The following MYO3A variants were observed in gnomAD, a reference collection of about 807,000 sequenced individuals.
MYO3A encodes myosin IIIA.
MYO3A carries 180 observed loss-of-function variants against 192.7 expected under a neutral mutation model. The ratio of observed to expected loss-of-function variants is 0.93; its 90% CI spans 0.83 to 1.06. The LOEUF (loss-of-function observed/expected upper bound fraction) is 1.06. MYO3A is among the 50% of genes least tolerant of loss of function. The pLI is 0.00. For missense variants in MYO3A, 1,896 were observed against 1,905.0 expected (o/e 1.00, Z 0.09); for synonymous variants, 628 against 645.3 (o/e 0.97, Z 0.41).
intron 18 of MYO3A, among the ~76,000 whole-genome samples, chr10:26,124,215 T>A (rs1588997405): frequency 6.6e-6 from 1 of 151,302 alleles, no homozygotes; most frequent in African/African-American, 2.4e-5. Flanking sequence ...AAAAAACTTT[T>A]ACATATTTAC....
intron 31 of MYO3A, among the ~76,000 whole-genome samples, chr10:26,188,553 A>G (rs1842971815): frequency 6.6e-6 from 1 of 152,304 alleles, no homozygotes; most frequent in Non-Finnish European, 1.5e-5. Context: ...TGTTTTAGTC[A>G]TGAATTCCTT....
chr10:26,062,530 A>AAAAAAAAAAAAAAAAAGAAAAAAACG (rs1554816581), intron 10 of MYO3A, among the ~76,000 whole-genome samples: 1 of 125,946 alleles, frequency 7.9e-6, no homozygotes, highest in Non-Finnish European at 1.7e-5. Flanking sequence ...AAAAAAAAAA[A>AAAAAAAAAAAAAAAAAGAAAAAAACG]AAATTATGGA....
At chr10:26,000,986 A>G (rs1179865057) in intron 6 of MYO3A, among the ~76,000 whole-genome samples, 1 of 152,122 alleles carries the variant, frequency 6.6e-6, no homozygotes, top group Non-Finnish European at 1.5e-5. Flanking sequence ...TGATGGGGGA[A>G]GGGCTACACA....
chr10:26,153,869 A>C lies in MYO3A; in HGVS notation c.2655A>C (p.Lys885Asn), dbSNP rs2131908863. ...TCATAGGTAATCTGCCACATTCTAA[A>C]ACTAAAAATGTTATAAACTATCAAA... is the stretch of plus-strand genomic sequence containing the variant. ...LTKTGNLPHS[K>N]TKNVINYQMR... Residue 885 changes from lysine (K) to asparagine (N), a missense_variant, in exon 24 of 35, where the codon AAA (lysine) becomes AAC (asparagine). By Grantham distance (94) the Lys-to-Asn change is moderately conservative. Transcript: ENST00000642920. 2 of 1,582,746 alleles carry C rather than the reference A, an allele frequency of 1.3e-6. No homozygotes were observed. The highest frequency in any genetic ancestry group is 1.7e-6 in the Non-Finnish European group (2 of 1,151,774).
At chr10:25,943,277 T>G (rs1342982305) in intron 2 of MYO3A, among the ~76,000 whole-genome samples, 1 of 152,056 alleles carries the variant, frequency 6.6e-6, no homozygotes, top group Non-Finnish European at 1.5e-5. Flanking sequence ...ACCACAATGA[T>G]TTGATTACTG....
chr10:25,950,258 G>A (rs1362352583), intron 2 of MYO3A, among the ~76,000 whole-genome samples: 1 of 152,140 alleles, frequency 6.6e-6, no homozygotes, highest in Non-Finnish European at 1.5e-5. Flanking sequence ...ACATTGGTTT[G>A]TAGCTTTTGA....
At chr10:25,934,941 G>A (rs1835950016) in intron 1 of MYO3A, among the ~76,000 whole-genome samples, 1 of 152,102 alleles carries the variant, frequency 6.6e-6, no homozygotes, top group Admixed American at 6.5e-5. Context: ...GAGTAACGAG[G>A]GGCGAGAACT....
rs551521069 is a variant in MYO3A, at chr10:26,202,877, A to G, written c.4587-87A>G. On this transcript the variant is annotated intron_variant, in intron 33 of 34. Coordinates refer to ENST00000642920, the MANE Select transcript of MYO3A (RefSeq NM_017433.5). ...TATGTTACTCTAAATTATAGTAAAT[A>G]CTTTTAAAGAAAAAAAAGTATCCTG... The G allele has an allele frequency of 3.1e-5, 44 of 1,426,862 alleles. No individual in the cohort carries two copies. The African/African-American group carries it at 6.0e-4, about 19-fold the overall frequency. The allele number at this position is 1,426,862 out of a possible 1,614,324, so 88.4% of individuals were successfully genotyped here. A position where few individuals can be genotyped will look rare whatever the true frequency, so the allele number is the denominator to read the frequency against.
intron 4 of MYO3A, among the ~76,000 whole-genome samples, chr10:25,958,541 T>G (rs1346996383): frequency 6.6e-6 from 1 of 152,160 alleles, no homozygotes; most frequent in Non-Finnish European, 1.5e-5. Context: ...TCCAGCTTTG[T>G]TTTTTTGCTT....
Position 26,173,849 on chromosome 10 carries a change from G to A in MYO3A, c.3585G>A (p.Val1195=), listed in dbSNP as rs372169216. 2.7e-5 allele frequency: 44 copies of A among 1,613,908 alleles called. No individual in the cohort carries two copies. Among genetic ancestry groups the A allele is most frequent in the Non-Finnish European group, 3.3e-5 (39 of 1,180,018 alleles). The change falls in exon 30 of 35, where the codon GTG becomes GTA. Residue 1195 remains valine, a synonymous_variant. Transcript: ENST00000642920. ...VYQTPKKMNN[V]YEEEVKQEFY... ...AGACTCCAAAAAAAATGAATAATGT[G>A]TATGAGGAAGAGGTTAAGCAAGAAT...
At chr10:26,039,207 A>ATTTTTTTTTTTTTTTTTTTTTTT (rs34416918) in intron 10 of MYO3A, among the ~76,000 whole-genome samples, 1 of 106,856 alleles carries the variant, frequency 9.4e-6, no homozygotes, top group African/African-American at 3.9e-5. Context: ...GGCTCGGCTA[A>ATTTTTTTTTTTTTTTTTTTTTTT]TTTTTTTTTT....
chr10:26,177,267 G>T (rs1842382705), intron 31 of MYO3A, among the ~76,000 whole-genome samples: 1 of 152,128 alleles, frequency 6.6e-6, no homozygotes, highest in African/African-American at 2.4e-5. Flanking sequence ...AAGAAGTATT[G>T]TTATTGAACT....
intron 4 of MYO3A, among the ~76,000 whole-genome samples, chr10:25,984,793 C>T (rs1407008617): frequency 1.3e-5 from 2 of 152,116 alleles, no homozygotes; most frequent in Non-Finnish European, 2.9e-5. Flanking sequence ...TAACCTGCTC[C>T]TAAATGATCA....
chr10:26,005,128 A>G (rs1841101076), intron 6 of MYO3A, among the ~76,000 whole-genome samples: 1 of 152,176 alleles, frequency 6.6e-6, no homozygotes, highest in South Asian at 2.1e-4. Flanking sequence ...CACAACCATT[A>G]ATCAAGTGCT....
chr10:25,981,880 C>T (rs1839350187), intron 4 of MYO3A, among the ~76,000 whole-genome samples: 2 of 152,202 alleles, frequency 1.3e-5, no homozygotes, highest in Non-Finnish European at 2.9e-5. Flanking sequence ...CAGGAATATA[C>T]CAGGAAATCT....
intron 2 of MYO3A, among the ~76,000 whole-genome samples, chr10:25,949,866 A>C (rs1408520224): frequency 6.6e-6 from 1 of 152,162 alleles, no homozygotes; most frequent in African/African-American, 2.4e-5. Context: ...CTAGGTACAG[A>C]GTAAGGCCAA....
intron 10 of MYO3A, among the ~76,000 whole-genome samples, chr10:26,039,170 A>G (rs918551327): frequency 1.3e-5 from 2 of 149,692 alleles, no homozygotes; most frequent in East Asian, 3.9e-4. Flanking sequence ...CCTCCTGAAC[A>G]GCTGGGATTA....
chr10:25,979,385 T>TTTAG (rs141700560), intron 4 of MYO3A, among the ~76,000 whole-genome samples: 6,464 of 151,460 alleles, frequency 0.043, 181 homozygotes, highest in Middle Eastern at 0.068. Context: ...ATTATCTTAG[T>TTTAG]TTGGAGAAAA....
At chr10:26,136,754 A>G (rs1564584194) in intron 20 of MYO3A, among the ~76,000 whole-genome samples, 1 of 152,212 alleles carries the variant, frequency 6.6e-6, no homozygotes, top group Non-Finnish European at 1.5e-5. Flanking sequence ...ATGGCAGCTC[A>G]CACCTGTAAT....
Sources: allele counts gnomAD v4.1 joint callset (sites outside exome capture counted in the v4.1 genomes callset), GRCh38; gene constraint gnomAD v4.1.1; transcripts MANE v1.5; gene names NCBI Gene and HGNC (gene_info 2026-07-23, HGNC 2026-07-21).